PRSS16: variants seen among roughly 807,000 people sequenced by gnomAD.
PRSS16 encodes serine protease 16.
PRSS16 carries 43 observed loss-of-function variants against 61.7 expected under a neutral mutation model. The observed-to-expected ratio is 0.70, with a 90% confidence interval of 0.55 to 0.90. PRSS16 has a LOEUF of 0.90. Among genes scored for constraint, PRSS16 ranks in the 40% least tolerant of loss-of-function variants. PRSS16 has a pLI of 0.00. For missense variants in PRSS16, 591 were observed against 659.1 expected (o/e 0.90, Z 1.13); for synonymous variants, 273 against 285.2 (o/e 0.96, Z 0.43).
Position 27,255,448 on chromosome 6 carries a change from A to G in PRSS16, c.*133A>G. 1.1e-6 allele frequency: 1 copy of G among 886,020 alleles called. No individual in the cohort carries two copies. Among genetic ancestry groups the G allele is most frequent in the Non-Finnish European group, 1.7e-6 (1 of 578,050 alleles). 54.9% of individuals were successfully genotyped at this position (886,020 alleles called of 1,614,324 possible). On this transcript the variant is annotated 3_prime_UTR_variant, in exon 12 of 12. Coordinates refer to ENST00000230582, the MANE Select transcript of PRSS16 (RefSeq NM_005865.4). The surrounding 1 kb of genome is among the most constrained non-coding windows in gnomAD (Gnocchi z 4.4). ...GAATTCAGCACCTGTTCCGCACGTA[A>G]TTGGCATGTGTCTGCAAACATCCTT...
rs1760031152 is a variant in PRSS16, at chr6:27,256,413, A to G, written c.*1098A>G. 1 of 152,634 alleles carries G rather than the reference A, an allele frequency of 6.6e-6. No homozygotes were observed. Among genetic ancestry groups the G allele is most frequent in the Non-Finnish European group, 1.5e-5 (1 of 68,040 alleles). 9.5% of individuals were successfully genotyped at this position (152,634 alleles called of 1,614,324 possible). On this transcript the variant is annotated 3_prime_UTR_variant, in exon 12 of 12. Coordinates refer to ENST00000230582, the MANE Select transcript of PRSS16 (RefSeq NM_005865.4). Reference sequence around the variant, plus strand: ...CCATAGATTTGCACTGTTCTTTCCTAAAGATCAATTATTTTCAGCAATAAA... The same window carrying G: ...CCATAGATTTGCACTGTTCTTTCCTGAAGATCAATTATTTTCAGCAATAAA...
rs772977168 is a variant in PRSS16, at chr6:27,252,890, A to T, written c.1091A>T (p.Gln364Leu). Residue 364 changes from glutamine to leucine, a missense_variant, in exon 9 of 12, where the codon CAA becomes CTA. Coordinates refer to ENST00000230582, the MANE Select transcript of PRSS16 (RefSeq NM_005865.4). This position sits in a 1 kb window ranked among gnomAD's most constrained non-coding sequence, Gnocchi z 4.2. Reference protein sequence around the residue: ...TVAQLRSTEPQLSGVGDRQWL... With the variant: ...TVAQLRSTEPLLSGVGDRQWL... The stretch of plus-strand genomic sequence containing the variant: ...GCACAGCTGAGGAGCACAGAACCTC[A>T]ACTGTCTGGTGTGGGTGACCGGCAG... 4.3e-6 allele frequency: 7 copies of T among 1,614,090 alleles called. No individual in the cohort carries two copies. Among genetic ancestry groups the T allele is most frequent in the Non-Finnish European group, 5.9e-6 (7 of 1,180,050 alleles).
chr6:27,248,121 T>A (rs1464946370), intron 2 of PRSS16, 73 bp downstream of exon 2: 1 of 1,498,552 alleles, frequency 6.7e-7, no homozygotes, highest in Non-Finnish European at 9.0e-7. Context: ...TTCCTCAGTC[T>A]GCACTTTTTT....
rs1179973081 is a variant in PRSS16, at chr6:27,251,768, G to A, written c.736G>A (p.Val246Ile). 9 of 1,605,766 alleles carry A rather than the reference G, an allele frequency of 5.6e-6. No homozygotes were observed. The highest frequency in any genetic ancestry group is 7.6e-6 in the Non-Finnish European group (9 of 1,178,390). Reference sequence around the variant, plus strand: ...CCCACAGTGCCGGGCGGCGGTGTCCGTCGCCTTCGCTGAAGTGGAGCGGCG... The same window carrying A: ...CCCACAGTGCCGGGCGGCGGTGTCCATCGCCTTCGCTGAAGTGGAGCGGCG... Reference protein sequence around the residue: ...GSLECRAAVSVAFAEVERRLR... With the variant: ...GSLECRAAVSIAFAEVERRLR... Residue 246 changes from valine to isoleucine, a missense_variant, in exon 8 of 12, where the codon GTC becomes ATC. Coordinates refer to ENST00000230582, the MANE Select transcript of PRSS16 (RefSeq NM_005865.4). The surrounding 1 kb of genome is among the most constrained non-coding windows in gnomAD (Gnocchi z 5.6).
At position 27,255,085 on chromosome 6, in the gene PRSS16, C is replaced by T. The variant is rs1439873284; in HGVS notation, c.1430C>T (p.Ala477Val). The change falls in exon 11 of 12, where the codon GCA (alanine) becomes GTA (valine). Residue 477 changes from alanine (A) to valine (V), a missense_variant. Transcript: ENST00000230582. This position sits in a 1 kb window ranked among gnomAD's most constrained non-coding sequence, Gnocchi z 4.4. ...IRTGSHCLDMAPERPSDSPSL... is the reference protein window; with the variant it reads ...IRTGSHCLDMVPERPSDSPSL... Reference sequence around the variant, plus strand: ...ACTGGCTCCCACTGCTTGGACATGGCACCTGAGAGGCCCTCAGACTCCCCC... The same window carrying T: ...ACTGGCTCCCACTGCTTGGACATGGTACCTGAGAGGCCCTCAGACTCCCCC... 6.2e-7 allele frequency: 1 copy of T among 1,614,172 alleles called. No homozygotes were observed.
At chr6:27,250,943 C>A in intron 5 of PRSS16, 99 bp from the exon 6 acceptor site, 1 of 1,577,734 alleles carries the variant, frequency 6.3e-7, no homozygotes, top group Non-Finnish European at 8.6e-7. Flanking sequence ...GCTGTCCTCA[C>A]AAGAGCCCGA....
chr6:27,247,743 C>A lies in PRSS16; in HGVS notation c.6C>A (p.Ala2=). 6.4e-7 allele frequency: 1 copy of A among 1,573,822 alleles called. No individual in the cohort carries two copies. The highest frequency in any genetic ancestry group is 2.4e-5 in the East Asian group (1 of 42,432). ...AGAACAGAGTCCCGAACACCATGGC[C>A]GTCTGGCTTGCCCAGTGGCTGGGCC... M[A]VWLAQWLGPL... Residue 2 remains alanine (A), a synonymous_variant, in exon 1 of 12, where the codon GCC becomes GCA. Coordinates refer to ENST00000230582, the MANE Select transcript of PRSS16 (RefSeq NM_005865.4).
intron 9 of PRSS16, 60 bp downstream of exon 9, chr6:27,253,009 A>G: frequency 1.2e-6 from 2 of 1,609,390 alleles, no homozygotes; most frequent in African/African-American, 1.3e-5. Context: ...CTATGCCCAG[A>G]GAAGTCATCT....
chr6:27,249,201 C>G lies in PRSS16; in HGVS notation c.439C>G (p.Gln147Glu). 1 of 1,614,018 alleles carries G rather than the reference C, an allele frequency of 6.2e-7. No individual in the cohort carries two copies. The highest frequency in any genetic ancestry group is 8.5e-7 in the Non-Finnish European group (1 of 1,180,018). ...SIPAGGLEMA[Q>E]LRFLSSRLAL... ...ACCTGCTGGAGGCCTGGAAATGGCC[C>G]AGCTCCGCTTCTTGTCCAGCCGCCT... The change falls in exon 4 of 12, where the codon CAG (glutamine) becomes GAG (glutamate). Residue 147 changes from glutamine (Q) to glutamate (E), a missense_variant. Physicochemically the swap from Gln to Glu is conservative, Grantham distance 29. Transcript: ENST00000230582.
chr6:27,253,341 A>G, intron 9 of PRSS16: 1 of 333,560 alleles, frequency 3.0e-6, no homozygotes, highest in Middle Eastern at 4.0e-4. Flanking sequence ...TCTGTAGTCC[A>G]TCCCTTGTGC....
chr6:27,253,603 C>G (rs1178557324), intron 9 of PRSS16: 1 of 314,582 alleles, frequency 3.2e-6, no homozygotes, highest in Non-Finnish European at 6.4e-6. Context: ...TTCAGATATA[C>G]AACAGATTTT....
rs576902734 is a variant in PRSS16 at position 27,251,354 on chromosome 6, G to A, written c.717+90G>A. The A allele has an allele frequency of 3.8e-5, 56 of 1,454,918 alleles. No individual in the cohort carries two copies. The African/African-American group carries it at 6.8e-4, about 18-fold the overall frequency. 90.1% of individuals were successfully genotyped at this position (1,454,918 alleles called of 1,614,324 possible). Reference sequence around the variant, plus strand: ...AGGAGGCCAGAGAAGGGCGAAACCTGCAACGTGGCGGGGTCTAAGGAAGGT... The same window carrying A: ...AGGAGGCCAGAGAAGGGCGAAACCTACAACGTGGCGGGGTCTAAGGAAGGT... On this transcript the variant is annotated intron_variant, in intron 7 of 11. Coordinates refer to ENST00000230582, the MANE Select transcript of PRSS16 (RefSeq NM_005865.4). The surrounding 1 kb of genome is among the most constrained non-coding windows in gnomAD (Gnocchi z 5.6).
rs766038683 is a variant in PRSS16, at chr6:27,251,707, C to T, written c.718-43C>T. On this transcript the variant is annotated intron_variant, in intron 7 of 11. Coordinates refer to ENST00000230582, the MANE Select transcript of PRSS16 (RefSeq NM_005865.4). The surrounding 1 kb of genome is among the most constrained non-coding windows in gnomAD (Gnocchi z 5.6). ...AGGTCCTGGGTAGGGAAAGCCGAGG[C>T]CCAGCCTAAGTCTTGGCGGACATCG... The T allele has an allele frequency of 2.6e-6, 4 of 1,555,420 alleles. No individual in the cohort carries two copies. The highest frequency in any genetic ancestry group is 3.4e-6 in the Non-Finnish European group (4 of 1,162,568).
intron 2 of PRSS16, 150 bp downstream of exon 2, chr6:27,248,198 C>T: frequency 1.9e-6 from 2 of 1,036,324 alleles, no homozygotes; most frequent in Admixed American, 6.3e-5. Flanking sequence ...CTGTCAGTAT[C>T]CCTTTTCCTG....
In PRSS16 at chr6:27,251,092, C is replaced by A. The variant is rs1363313108; in HGVS notation, c.642C>A (p.Ala214=). Residue 214 remains alanine (A), a synonymous_variant, in exon 6 of 12, where the codon GCC becomes GCA. Transcript: ENST00000230582. This position sits in a 1 kb window ranked among gnomAD's most constrained non-coding sequence, Gnocchi z 5.6. ...ASVASSAPVR[A]VLDFSEYNDV... is the part of the protein sequence containing the mutation. ...TCGCCTCCTCCGCCCCGGTGCGGGC[C>A]GTGCTGGATTTCTCCGAGTATAATG... is the stretch of plus-strand genomic sequence containing the variant. 1.4e-5 allele frequency: 22 copies of A among 1,614,016 alleles called. No individual in the cohort carries two copies. In the East Asian group the frequency reaches 2.9e-4, roughly 21 times the overall value.
chr6:27,249,554 G>A (rs1446833617), intron 4 of PRSS16, among the ~76,000 whole-genome samples: 1 of 152,058 alleles, frequency 6.6e-6, no homozygotes, highest in Non-Finnish European at 1.5e-5. Context: ...TTCCTGCTCT[G>A]CCCTTGACTT....
Position 27,255,230 on chromosome 6 carries a change from T to C in PRSS16, c.1477-17T>C. Reference sequence around the variant, plus strand: ...GTGCTGAAATCTGACTTTCAAATTCTTCCCACCTCCCCACAGAACATCTTC... The same window carrying C: ...GTGCTGAAATCTGACTTTCAAATTCCTCCCACCTCCCCACAGAACATCTTC... On this transcript the variant is annotated splice_polypyrimidine_tract_variant and intron_variant, in intron 11 of 11. Transcript: ENST00000230582. This position sits in a 1 kb window ranked among gnomAD's most constrained non-coding sequence, Gnocchi z 4.4. 6.2e-7 allele frequency: 1 copy of C among 1,614,128 alleles called. No individual in the cohort carries two copies. The highest frequency in any genetic ancestry group is 8.5e-7 in the Non-Finnish European group (1 of 1,179,984).
At chr6:27,250,847 G>A (rs1353957692) in intron 5 of PRSS16, 41 bp downstream of exon 5, 1 of 1,578,694 alleles carries the variant, frequency 6.3e-7, no homozygotes, top group South Asian at 1.2e-5. Flanking sequence ...GAGGGAACTC[G>A]GACTCCAGGG....
chr6:27,252,542 C>T lies in PRSS16; in HGVS notation c.1009-266C>T, dbSNP rs1759938780. On this transcript the variant is annotated intron_variant, in intron 8 of 11. Coordinates refer to ENST00000230582, the MANE Select transcript of PRSS16 (RefSeq NM_005865.4). This position sits in a 1 kb window ranked among gnomAD's most constrained non-coding sequence, Gnocchi z 4.2. ...CAAGAGATAGGCACTATTATTATCGCCACTTACAGAAAAGGAAACTGAAGT... is the reference window on the plus strand; with the variant it reads ...CAAGAGATAGGCACTATTATTATCGTCACTTACAGAAAAGGAAACTGAAGT... Among the ~76,000 whole-genome samples the T allele has an allele frequency of 1.3e-5, 2 of 152,098 alleles. No homozygotes were observed. The highest frequency in any genetic ancestry group is 4.8e-5 in the African/African-American group (2 of 41,404).
Sources: allele counts gnomAD v4.1 joint callset (sites outside exome capture counted in the v4.1 genomes callset), GRCh38; gene constraint gnomAD v4.1.1; non-coding constraint Gnocchi (gnomAD v3.1); transcripts MANE v1.5; gene names NCBI Gene and HGNC (gene_info 2026-07-23, HGNC 2026-07-21).